SYCP2L: variants seen among roughly 807,000 people sequenced by gnomAD.
SYCP2L encodes the protein synaptonemal complex protein 2-like.
SYCP2L carries 98 observed loss-of-function variants against 125.8 expected under a neutral mutation model. That is an observed-to-expected ratio of 0.78 (90% CI 0.66 to 0.92). SYCP2L has a LOEUF of 0.92. Among genes scored for constraint, SYCP2L ranks in the 40% least tolerant of loss-of-function variants. The pLI is 0.00. For missense variants in SYCP2L, 842 were observed against 936.4 expected, an observed-to-expected ratio of 0.90 and a Z score of 1.32; for synonymous variants, 317 against 325.4, an observed-to-expected ratio of 0.97 and a Z score of 0.28.
At chr6:10,948,886 C>G (rs1581840285) in intron 23 of SYCP2L, among the ~76,000 whole-genome samples, 1 of 152,124 alleles carries the variant, frequency 6.6e-6, no homozygotes, top group African/African-American at 2.4e-5. Flanking sequence ...CCCAAGTTCT[C>G]TATTTCTTCT....
In SYCP2L at chr6:10,891,609, CTCT is replaced by C. The variant is rs1474198569; in HGVS notation, c.78+29_78+31del. On this transcript the variant is annotated intron_variant, in intron 2 of 29. Transcript: ENST00000283141. ...AAAGATCAAGTTTCTTTTATAATCT[CTCT>C]CTGTGTGTGTGTGTGTGTGTGTGTG... 5 of 764,996 alleles carry C rather than the reference CTCT, an allele frequency of 6.5e-6. 1 individual carries two copies. Among genetic ancestry groups the C allele is most frequent in the African/African-American group, 4.6e-5 (2 of 43,774 alleles). The allele number at this position is 764,996 out of a possible 1,614,324, so 47.4% of individuals were successfully genotyped here. A position where few individuals can be genotyped will look rare whatever the true frequency, so the allele number is the denominator to read the frequency against.
At chr6:10,943,166 C>G (rs1204086685) in intron 23 of SYCP2L, among the ~76,000 whole-genome samples, 1 of 152,136 alleles carries the variant, frequency 6.6e-6, no homozygotes, top group African/African-American at 2.4e-5. Context: ...CTTCTGAGTT[C>G]ATTTACTCAT....
chr6:10,955,264 T>C (rs746945442), intron 24 of SYCP2L, 47 bp downstream of exon 24: 6 of 1,214,968 alleles, frequency 4.9e-6, no homozygotes, highest in Non-Finnish European at 7.3e-6. Flanking sequence ...GTGGGATAAA[T>C]GGGTCAGCAC....
At chr6:10,941,610 C>T (rs1286684587) in intron 21 of SYCP2L, among the ~76,000 whole-genome samples, 2 of 152,334 alleles carry the variant, frequency 1.3e-5, no homozygotes, top group Non-Finnish European at 2.9e-5. Flanking sequence ...TACCATCTCA[C>T]ACCAGTTAGA....
chr6:10,945,298 G>T (rs545055019), intron 23 of SYCP2L, among the ~76,000 whole-genome samples: 7 of 152,044 alleles, frequency 4.6e-5, no homozygotes, highest in Non-Finnish European at 8.8e-5. Flanking sequence ...TATTCATTAG[G>T]TTACTTTTCT....
intron 11 of SYCP2L, among the ~76,000 whole-genome samples, chr6:10,910,491 T>A (rs73444338): frequency 0.044 from 6,649 of 152,300 alleles, 490 homozygotes; most frequent in African/African-American, 0.15. Flanking sequence ...TGAAGAACAA[T>A]TTCCTGACTT....
In SYCP2L at chr6:10,942,737, G is replaced by T; in HGVS notation, c.1945G>T (p.Glu649Ter). The T allele has an allele frequency of 6.2e-7, 1 of 1,605,690 alleles. No individual in the cohort carries two copies. Residue 649 changes from glutamate (E) to a stop codon, truncating the protein, a stop_gained, in exon 23 of 30, where the codon GAA (glutamate) becomes TAA (stop). Coordinates refer to ENST00000283141, the MANE Select transcript of SYCP2L (RefSeq NM_001040274.3). LOFTEE classifies it high-confidence loss of function. ...TSLKHKLRNLEDKDIPEGSFA... is the reference protein window; with the variant it reads ...TSLKHKLRNL ...CTTGAAACATAAGCTGAGAAACTTGGAAGACAAAGGTAAGAGAATAGTACT... is the reference window on the plus strand; with the variant it reads ...CTTGAAACATAAGCTGAGAAACTTGTAAGACAAAGGTAAGAGAATAGTACT...
chr6:10,908,344 AT>A (rs1361470945), intron 10 of SYCP2L, among the ~76,000 whole-genome samples: 2 of 152,190 alleles, frequency 1.3e-5, no homozygotes, highest in Non-Finnish European at 2.9e-5. Context: ...AGCTGCTGTG[AT>A]GGCAGGAGGC....
chr6:10,903,101 C>T (rs923108578), intron 8 of SYCP2L, 138 bp downstream of exon 8: 5 of 704,944 alleles, frequency 7.1e-6, no homozygotes, highest in Non-Finnish European at 1.2e-5. Context: ...TATTATGTGT[C>T]AGGCACTATG....
chr6:10,947,241 C>G (rs1781331815), intron 23 of SYCP2L, among the ~76,000 whole-genome samples: 1 of 151,896 alleles, frequency 6.6e-6, no homozygotes, highest in African/African-American at 2.4e-5. Context: ...CTTCTTTCCT[C>G]TTTTTCAAAG....
intron 8 of SYCP2L, among the ~76,000 whole-genome samples, chr6:10,903,643 C>T (rs542115530): frequency 1.3e-5 from 2 of 152,114 alleles, no homozygotes; most frequent in African/African-American, 2.4e-5. Context: ...CCCAGCTATT[C>T]AGGAGGTTGA....
rs1320922314 is a variant in SYCP2L at position 10,954,939 on chromosome 6, C to T, written c.1955-177C>T. 6.6e-6 allele frequency among the ~76,000 whole-genome samples: 1 copy of T among 152,162 alleles called. No individual in the cohort carries two copies. Among genetic ancestry groups the T allele is most frequent in the East Asian group, 1.9e-4 (1 of 5,190 alleles). ...GATGCCTGTTCCCATGTTCAGGTAT[C>T]AGTAGACATCGTGCTTCGATACTTG... is the stretch of plus-strand genomic sequence containing the variant. On this transcript the variant is annotated intron_variant, in intron 23 of 29. Coordinates refer to ENST00000283141, the MANE Select transcript of SYCP2L (RefSeq NM_001040274.3). This position sits in a 1 kb window ranked among gnomAD's most constrained non-coding sequence, Gnocchi z 4.8.
intron 1 of SYCP2L, among the ~76,000 whole-genome samples, chr6:10,890,762 C>A (rs1220376667): frequency 2.0e-5 from 3 of 152,138 alleles, no homozygotes; most frequent in Non-Finnish European, 4.4e-5. Context: ...AATCTTTGCC[C>A]AGACCAATGT....
intron 29 of SYCP2L, among the ~76,000 whole-genome samples, chr6:10,973,270 C>G (rs772120026): frequency 6.6e-6 from 1 of 152,098 alleles, no homozygotes; most frequent in Non-Finnish European, 1.5e-5. Context: ...TGGTGGCTCA[C>G]GCCTGTAATC....
intron 1 of SYCP2L, 136 bp downstream of exon 1, chr6:10,887,271 ACCT>A: frequency 8.3e-7 from 1 of 1,208,800 alleles, no homozygotes; most frequent in Non-Finnish European, 1.2e-6. Context: ...GTCCCCCGCC[ACCT>A]CCTTGGGTTT....
At chr6:10,911,066 G>C (rs568461277) in intron 12 of SYCP2L, among the ~76,000 whole-genome samples, 197 bp downstream of exon 12, 1 of 152,156 alleles carries the variant, frequency 6.6e-6, no homozygotes, top group African/African-American at 2.4e-5. Context: ...GTAAGTTTAA[G>C]GCCTCTACTG....
Position 10,931,504 on chromosome 6 carries a change from T to A in SYCP2L, c.1683+15T>A. Reference sequence around the variant, plus strand: ...AGAAAGACCAAGTAAGTACATTGTATCTGGGTTGCTGTGTGCCCTGTGAGT... The same window carrying A: ...AGAAAGACCAAGTAAGTACATTGTAACTGGGTTGCTGTGTGCCCTGTGAGT... On this transcript the variant is annotated intron_variant, in intron 20 of 29. Coordinates refer to ENST00000283141, the MANE Select transcript of SYCP2L (RefSeq NM_001040274.3). The A allele has an allele frequency of 1.2e-6, 2 of 1,613,446 alleles. No individual in the cohort carries two copies. The highest frequency in any genetic ancestry group is 1.7e-6 in the Non-Finnish European group (2 of 1,179,400).
At chr6:10,965,032 G>T (rs1781656311) in intron 29 of SYCP2L, among the ~76,000 whole-genome samples, 1 of 151,970 alleles carries the variant, frequency 6.6e-6, no homozygotes, top group Non-Finnish European at 1.5e-5. Flanking sequence ...TTATACTAAG[G>T]GTTAGAGAAA....
chr6:10,892,033 C>T (rs929358286), intron 2 of SYCP2L, among the ~76,000 whole-genome samples: 1 of 152,170 alleles, frequency 6.6e-6, no homozygotes, highest in Non-Finnish European at 1.5e-5. Flanking sequence ...GGCACCTGGT[C>T]TACGTAAGAT....
Sources: gnomAD v4.1 joint callset for allele counts (sites outside exome capture counted in the v4.1 genomes callset) on GRCh38, gnomAD v4.1.1 for gene constraint, Gnocchi (gnomAD v3.1) non-coding constraint, MANE v1.5 for transcripts, NCBI Gene and HGNC (gene_info 2026-07-23, HGNC 2026-07-21) for gene names.